Variants in EPS15L1 observed in about 807,000 individuals in gnomAD.
The protein encoded by EPS15L1 is epidermal growth factor receptor pathway substrate 15 like 1.
In EPS15L1, 43 loss-of-function variants were observed where a neutral mutation model predicts 117.1. That is an observed-to-expected ratio of 0.37 (90% CI 0.29 to 0.47). The LOEUF (loss-of-function observed/expected upper bound fraction) is 0.47, where lower values mean the gene tolerates loss of function less well. EPS15L1 is among the 20% of genes least tolerant of loss of function. The pLI, the probability that EPS15L1 is intolerant of heterozygous loss-of-function variation, is 0.99. For synonymous variants in EPS15L1, 459 were observed against 470.5 expected (o/e 0.98, Z 0.32); for missense variants, 981 against 1,164.0 (o/e 0.84, Z 2.29).
intron 7 of EPS15L1, among the ~76,000 whole-genome samples, chr19:16,433,084 T>G (rs1418250559): frequency 6.6e-6 from 1 of 152,002 alleles, no homozygotes; most frequent in Non-Finnish European, 1.5e-5. Flanking sequence ...GTGCTGGGAT[T>G]ACAGGCATGA....
chr19:16,376,881 A>C (rs1367873548), intron 22 of EPS15L1, among the ~76,000 whole-genome samples: 1 of 152,238 alleles, frequency 6.6e-6, no homozygotes, highest in Non-Finnish European at 1.5e-5. Context: ...TGTGCACTCC[A>C]ATACAGAGCC....
intron 22 of EPS15L1, among the ~76,000 whole-genome samples, chr19:16,373,571 G>A (rs961579302): frequency 6.6e-6 from 1 of 151,856 alleles, no homozygotes; most frequent in African/African-American, 2.4e-5. Context: ...GTGTCTTCCT[G>A]GCGAACTTTC....
intron 1 of EPS15L1, among the ~76,000 whole-genome samples, chr19:16,465,746 G>T (rs1388157907): frequency 1.3e-5 from 2 of 152,090 alleles, no homozygotes; most frequent in African/African-American, 4.8e-5. Context: ...AATGAGATGA[G>T]ATTAAAGTAA....
chr19:16,357,112 A>G (rs532295040), intron 23 of EPS15L1: 1 of 152,654 alleles, frequency 6.6e-6, no homozygotes, highest in Non-Finnish European at 1.5e-5. Flanking sequence ...AGACTAACCC[A>G]GGAAGGTGGG....
intron 20 of EPS15L1, 31 bp from the exon 21 acceptor site, chr19:16,385,242 C>A: frequency 6.3e-7 from 1 of 1,592,384 alleles, no homozygotes; most frequent in Non-Finnish European, 8.6e-7. Context: ...GTCAGAGTTA[C>A]AGGTCTTTAA....
intron 1 of EPS15L1, among the ~76,000 whole-genome samples, chr19:16,457,869 G>C (rs1221169457): frequency 6.6e-6 from 1 of 151,906 alleles, no homozygotes; most frequent in Non-Finnish European, 1.5e-5. Context: ...AAGACTGGGG[G>C]GGAGGGGGGA....
Position 16,355,334 on chromosome 19 carries a change from C to T in EPS15L1, c.*371G>A. The T allele has an allele frequency of 2.0e-5, 2 of 102,208 alleles. No homozygotes were observed. The highest frequency in any genetic ancestry group is 1.3e-4 in the East Asian group (1 of 7,790). 6.3% of individuals were successfully genotyped at this position (102,208 alleles called of 1,614,324 possible). Reference sequence around the variant, plus strand: ...CCACTGGGGGAGTGTCTGACTGATGCGTGGGAGGGCGGGTGGGGATGTCTG... The same window carrying T: ...CCACTGGGGGAGTGTCTGACTGATGTGTGGGAGGGCGGGTGGGGATGTCTG... On this transcript the variant is annotated 3_prime_UTR_variant, in exon 24 of 24. Coordinates refer to ENST00000455140, the MANE Select transcript of EPS15L1 (RefSeq NM_001258374.3).
intron 1 of EPS15L1, among the ~76,000 whole-genome samples, chr19:16,455,116 C>A (rs566821993): frequency 6.6e-6 from 1 of 150,752 alleles, no homozygotes; most frequent in East Asian, 2.0e-4. Flanking sequence ...GCAACAAGAG[C>A]GAAACTCCAT....
chr19:16,460,023 C>A lies in EPS15L1; in HGVS notation c.33+11890G>T, dbSNP rs866254470. On this transcript the variant is annotated intron_variant, in intron 1 of 23. Coordinates refer to ENST00000455140, the MANE Select transcript of EPS15L1 (RefSeq NM_001258374.3). ...GGGAATGGTGGCTCAGGCCTGTAAT[C>A]CCAACACTTTGGAGATTAAGGCAGG... Among the ~76,000 whole-genome samples the A allele has an allele frequency of 2.0e-5, 3 of 152,168 alleles. No individual in the cohort carries two copies. In the South Asian group the frequency reaches 6.2e-4, roughly 31 times the overall value.
At chr19:16,385,547 C>T (rs1215798576) in intron 20 of EPS15L1, among the ~76,000 whole-genome samples, 1 of 152,164 alleles carries the variant, frequency 6.6e-6, no homozygotes, top group African/African-American at 2.4e-5. Flanking sequence ...CGACCTGCCA[C>T]CCACATGATT....
In EPS15L1 at chr19:16,402,418, T is replaced by C; in HGVS notation, c.1694A>G (p.Asp565Gly). Residue 565 changes from aspartate (D) to glycine (G), a missense_variant, in exon 16 of 24, where the codon GAC (aspartate) becomes GGC (glycine). Physicochemically the swap from Asp to Gly is moderately conservative, Grantham distance 94 (BLOSUM62 -1). This residue lies in a region of EPS15L1 where 819 missense variants were observed against 949.0 expected (regional missense o/e 0.86). Coordinates refer to ENST00000455140, the MANE Select transcript of EPS15L1 (RefSeq NM_001258374.3). ...ACCATGGGCTCCATCGAGCACCTGG[T>C]CATACTGCTCCAGGCTCCTGTGGGC... ...QEAHRSLEQY[D>G]QVLDGAHGAS... 1 of 1,614,056 alleles carries C rather than the reference T, an allele frequency of 6.2e-7. No homozygotes were observed. The highest frequency in any genetic ancestry group is 2.2e-5 in the East Asian group (1 of 44,876).
chr19:16,395,598 T>C, intron 16 of EPS15L1, 131 bp from the exon 17 acceptor site: 1 of 1,005,952 alleles, frequency 9.9e-7, no homozygotes, highest in Non-Finnish European at 1.5e-6. Flanking sequence ...TAGCCAGGAG[T>C]TCGAGGCTGG....
chr19:16,409,797 G>A lies in EPS15L1; in HGVS notation c.1266+3976C>T, dbSNP rs367956383. On this transcript the variant is annotated intron_variant, in intron 13 of 23. Transcript: ENST00000455140. Reference sequence around the variant, plus strand: ...TACTAAAAACACAAAAATTAGCTGTGTGTGGTGGTGCACACCTATAATCCC... The same window carrying A: ...TACTAAAAACACAAAAATTAGCTGTATGTGGTGGTGCACACCTATAATCCC... 2.7e-3 allele frequency among the ~76,000 whole-genome samples: 409 copies of A among 152,184 alleles called. 2 individuals carry two copies. The highest frequency in any genetic ancestry group is 9.4e-3 in the African/African-American group (392 of 41,510).
chr19:16,466,301 C>G (rs1348873770), intron 1 of EPS15L1, among the ~76,000 whole-genome samples: 1 of 152,028 alleles, frequency 6.6e-6, no homozygotes, highest in African/African-American at 2.4e-5. Context: ...CCAGAGTGAC[C>G]GGGAGGATGA....
At chr19:16,416,035 G>A (rs1012846833) in intron 12 of EPS15L1, among the ~76,000 whole-genome samples, 5 of 152,218 alleles carry the variant, frequency 3.3e-5, no homozygotes, top group African/African-American at 1.2e-4. Flanking sequence ...GACTCAGGCC[G>A]TGGCTCAGGT....
At position 16,421,404 on chromosome 19, in the gene EPS15L1, C is replaced by T; in HGVS notation, c.865G>A (p.Asp289Asn). Reference sequence around the variant, plus strand: ...TGGCCACTCACGTAGCCATCCAGGTCCAGGTCGGTCTTCAGGAATATCTCA... The same window carrying T: ...TGGCCACTCACGTAGCCATCCAGGTTCAGGTCGGTCTTCAGGAATATCTCA... ...FDEIFLKTDL[D>N]LDGYVSGQEV... The change falls in exon 10 of 24, where the codon GAC becomes AAC. Residue 289 changes from aspartate to asparagine, a missense_variant. This residue lies in a region of EPS15L1 where 819 missense variants were observed against 949.0 expected (regional missense o/e 0.86). Coordinates refer to ENST00000455140, the MANE Select transcript of EPS15L1 (RefSeq NM_001258374.3). 2 of 1,614,156 alleles carry T rather than the reference C, an allele frequency of 1.2e-6. No individual in the cohort carries two copies. Among genetic ancestry groups the T allele is most frequent in the East Asian group, 4.5e-5 (2 of 44,872 alleles).
At chr19:16,378,539 C>T (rs186980701) in intron 21 of EPS15L1, among the ~76,000 whole-genome samples, 6 of 152,276 alleles carry the variant, frequency 3.9e-5, no homozygotes, top group East Asian at 3.9e-4. Flanking sequence ...CTGCCACCCA[C>T]GCCTGCACTG....
chr19:16,382,399 G>A (rs1043492356), intron 21 of EPS15L1, among the ~76,000 whole-genome samples: 21 of 152,260 alleles, frequency 1.4e-4, no homozygotes, highest in African/African-American at 5.1e-4. Flanking sequence ...GGGGCTCTCT[G>A]GGCTCGGCAA....
intron 13 of EPS15L1, among the ~76,000 whole-genome samples, chr19:16,412,499 T>C (rs972302833): frequency 6.7e-6 from 1 of 148,720 alleles, no homozygotes; most frequent in African/African-American, 2.5e-5. Context: ...ACTCCATTTT[T>C]AAAAAAAAAG....
Sources: allele counts gnomAD v4.1 joint callset (sites outside exome capture counted in the v4.1 genomes callset), GRCh38; gene constraint gnomAD v4.1.1; regional missense constraint gnomAD v4.1.1; transcripts MANE v1.5; gene names NCBI Gene and HGNC (gene_info 2026-07-23, HGNC 2026-07-21).